The following MEMO1 variants were observed in gnomAD, a reference collection of about 807,000 sequenced individuals.
The protein encoded by MEMO1 is protein MEMO1.
In MEMO1, 6 loss-of-function variants were observed where a neutral mutation model predicts 45.2. That is an observed-to-expected ratio of 0.13 (90% confidence interval 0.07 to 0.26). The LOEUF is 0.26. MEMO1 is among the 10% of genes least tolerant of loss of function. The pLI is 1.00. For missense variants in MEMO1, 184 were observed against 370.5 expected (o/e 0.50, Z 4.13); for synonymous variants, 78 against 124.3 (o/e 0.63, Z 2.48).
At chr2:32,010,904 G>A (rs1247440600) in intron 1 of MEMO1, 38 bp downstream of exon 1, 9 of 152,384 alleles carry the variant, frequency 5.9e-5, no homozygotes, top group Admixed American at 5.2e-4. Context: ...GCCTGAACCG[G>A]GGAAGGCAGA....
chr2:31,936,481 CA>C lies in MEMO1; in HGVS notation c.144-4347del, dbSNP rs535874954. Among the ~76,000 whole-genome samples the C allele has an allele frequency of 2.4e-4, 37 of 152,330 alleles. No homozygotes were observed. The South Asian group carries it at 7.5e-3, about 31-fold the overall frequency. On this transcript the variant is annotated intron_variant, in intron 3 of 9. Transcript: ENST00000404530. ...TTTTGCTTCTCCCTTTGCTCCTACA[CA>C]GTAGACCCTTTACGTCGGCAAGTCT...
chr2:31,968,354 C>T (rs1306182823), intron 2 of MEMO1, among the ~76,000 whole-genome samples: 1 of 152,236 alleles, frequency 6.6e-6, no homozygotes, highest in African/African-American at 2.4e-5. Context: ...TGTCTACACC[C>T]AAGTGGGGCT....
intron 4 of MEMO1, among the ~76,000 whole-genome samples, chr2:31,927,524 G>T (rs949701624): frequency 6.6e-6 from 1 of 151,264 alleles, no homozygotes; most frequent in Non-Finnish European, 1.5e-5. Flanking sequence ...TAAAACAAAT[G>T]ATCAAAACAG....
intron 6 of MEMO1, among the ~76,000 whole-genome samples, chr2:31,911,719 A>G (rs1056099448): frequency 6.6e-6 from 1 of 152,150 alleles, no homozygotes; most frequent in Non-Finnish European, 1.5e-5. Context: ...ACAGATGAAC[A>G]TAACTAGACC....
intron 2 of MEMO1, among the ~76,000 whole-genome samples, chr2:31,995,730 T>A (rs1672513283): frequency 6.6e-6 from 1 of 151,210 alleles, no homozygotes; most frequent in Non-Finnish European, 1.5e-5. Context: ...GAGGTAATAA[T>A]AAAGATGAAA....
At chr2:31,963,239 C>A (rs1668232186) in intron 2 of MEMO1, 2 of 1,545,998 alleles carry the variant, frequency 1.3e-6, no homozygotes, top group Non-Finnish European at 1.7e-6. Flanking sequence ...TCCATAATGG[C>A]ATGAGTCAAT....
intron 2 of MEMO1, among the ~76,000 whole-genome samples, chr2:32,003,777 C>T (rs1194257018): frequency 6.6e-6 from 1 of 152,188 alleles, no homozygotes; most frequent in East Asian, 1.9e-4. Context: ...TTTGGCCAGG[C>T]ATGATAGCTT....
At chr2:31,943,494 G>T (rs530534434) in intron 2 of MEMO1, 111 bp from the exon 3 acceptor site, 3 of 768,736 alleles carry the variant, frequency 3.9e-6, no homozygotes, top group Non-Finnish European at 6.9e-6. Context: ...AGCTTAATGC[G>T]CAATAGGATC....
intron 2 of MEMO1, among the ~76,000 whole-genome samples, chr2:32,002,174 T>G: frequency 8.1e-6 from 1 of 123,152 alleles, no homozygotes; most frequent in South Asian, 2.5e-4. Flanking sequence ...AAAAAATATA[T>G]ATATATATAT....
intron 2 of MEMO1, among the ~76,000 whole-genome samples, chr2:31,970,205 A>G (rs1198504999): frequency 1.3e-5 from 2 of 151,978 alleles, no homozygotes; most frequent in Non-Finnish European, 2.9e-5. Flanking sequence ...TCCTGACCTC[A>G]AGCAATCCGC....
intron 8 of MEMO1, among the ~76,000 whole-genome samples, chr2:31,879,431 T>A (rs529200685): frequency 6.6e-6 from 1 of 152,306 alleles, no homozygotes; most frequent in African/African-American, 2.4e-5. Context: ...GGAGATTGAC[T>A]CTCTAAACAA....
At chr2:31,877,870 G>A (rs751873482) in intron 8 of MEMO1, among the ~76,000 whole-genome samples, 27 of 152,078 alleles carry the variant, frequency 1.8e-4, no homozygotes, top group South Asian at 8.3e-4. Context: ...TTTAAACTGC[G>A]TACAGGAAGA....
intron 2 of MEMO1, among the ~76,000 whole-genome samples, chr2:32,004,693 G>A (rs1040527629): frequency 2.6e-5 from 4 of 152,008 alleles, no homozygotes; most frequent in African/African-American, 4.8e-5. Flanking sequence ...GAGGCTGAGG[G>A]AGGGGCACAA....
chr2:31,918,716 T>C (rs1370788404), intron 5 of MEMO1, among the ~76,000 whole-genome samples: 1 of 152,076 alleles, frequency 6.6e-6, no homozygotes, highest in East Asian at 1.9e-4. Context: ...TTGAATATTG[T>C]GGAACAAGAA....
chr2:31,893,328 A>G, intron 6 of MEMO1: 1 of 1,175,798 alleles, frequency 8.5e-7, no homozygotes, highest in Non-Finnish European at 1.1e-6. Flanking sequence ...GCATCTATGG[A>G]GTAAGAGAAA....
chr2:31,906,173 T>C (rs1000098827), intron 6 of MEMO1, among the ~76,000 whole-genome samples: 2 of 152,056 alleles, frequency 1.3e-5, no homozygotes, highest in Non-Finnish European at 2.9e-5. Context: ...GGTTTTACTA[T>C]GTTGGCCAGA....
At chr2:31,997,937 C>G (rs928037959) in intron 2 of MEMO1, among the ~76,000 whole-genome samples, 1 of 152,168 alleles carries the variant, frequency 6.6e-6, no homozygotes, top group Non-Finnish European at 1.5e-5. Context: ...ATGGCTTAGA[C>G]CAGACTTACA....
chr2:31,892,912 T>A (rs147953769), intron 6 of MEMO1, among the ~76,000 whole-genome samples: 1 of 152,256 alleles, frequency 6.6e-6, no homozygotes, highest in Non-Finnish European at 1.5e-5. Context: ...AAACAGATGT[T>A]CATTCAAAAC....
chr2:31,933,351 T>TTATATATATATGTATATA (rs1664502462), intron 3 of MEMO1, among the ~76,000 whole-genome samples: 1 of 45,088 alleles, frequency 2.2e-5, no homozygotes, highest in Admixed American at 4.6e-4. Context: ...AAAAAAAAAT[T>TTATATATATATGTATATA]TATATATATA....
Sources: allele counts gnomAD v4.1 joint callset (sites outside exome capture counted in the v4.1 genomes callset), GRCh38; gene constraint gnomAD v4.1.1; transcripts MANE v1.5; gene names NCBI Gene and HGNC (gene_info 2026-07-23, HGNC 2026-07-21).